DPP6: variants seen among roughly 807,000 people sequenced by gnomAD.
DPP6 encodes the protein A-type potassium channel modulatory protein DPP6.
DPP6 carries 69 observed loss-of-function variants against 122.6 expected under a neutral mutation model. That is an observed-to-expected ratio of 0.56 (90% CI 0.46 to 0.69). The LOEUF is 0.69. Ranked by LOEUF, DPP6 falls within the 30% of genes least tolerant of loss-of-function variation. DPP6 has a pLI of 0.00. For synonymous variants in DPP6, 418 were observed against 433.1 expected (o/e 0.97, Z 0.43); for missense variants, 928 against 1,116.9 (o/e 0.83, Z 2.41).
chr7:154,014,961 C>T (rs147035068), intron 1 of DPP6, among the ~76,000 whole-genome samples: 1 of 151,980 alleles, frequency 6.6e-6, no homozygotes, highest in Non-Finnish European at 1.5e-5. Flanking sequence ...TCTCAGAATA[C>T]CCTTTAGAAT....
chr7:154,147,142 T>G (rs1796133053), intron 1 of DPP6, among the ~76,000 whole-genome samples: 1 of 152,132 alleles, frequency 6.6e-6, no homozygotes, highest in Admixed American at 6.5e-5. Context: ...CCTCATGAAA[T>G]CTTGGCTTTT....
At chr7:154,318,801 C>G (rs925484806) in intron 1 of DPP6, among the ~76,000 whole-genome samples, 1 of 152,176 alleles carries the variant, frequency 6.6e-6, no homozygotes, top group Non-Finnish European at 1.5e-5. Context: ...ATACCCCACC[C>G]CCCCCAAGCC....
intron 3 of DPP6, among the ~76,000 whole-genome samples, chr7:154,533,041 C>G (rs79806659): frequency 0.05 from 7,550 of 152,242 alleles, 333 homozygotes; most frequent in African/African-American, 0.12. Context: ...AACCAACAGG[C>G]CTTGCTAAGT....
chr7:154,049,863 G>A (rs1800210203), upstream of DPP6, among the ~76,000 whole-genome samples: 1 of 151,716 alleles, frequency 6.6e-6, no homozygotes, highest in Admixed American at 6.6e-5. Flanking sequence ...GGGATTACAG[G>A]CGTGAGCCAC....
At chr7:154,842,326 C>T (rs1205059192) in intron 16 of DPP6, among the ~76,000 whole-genome samples, 1 of 152,220 alleles carries the variant, frequency 6.6e-6, no homozygotes, top group Non-Finnish European at 1.5e-5. Flanking sequence ...TCTGAGGATA[C>T]AGACGAGAGG....
chr7:154,359,800 G>T (rs150187504), intron 1 of DPP6, among the ~76,000 whole-genome samples: 19 of 152,318 alleles, frequency 1.2e-4, no homozygotes, highest in African/African-American at 4.3e-4. Flanking sequence ...TTAATGAGAG[G>T]CAGTCAGATA....
chr7:154,429,239 G>C lies in DPP6; in HGVS notation c.244-16975G>C, dbSNP rs542975209. On this transcript the variant is annotated intron_variant, in intron 1 of 25. Coordinates refer to ENST00000377770, the MANE Select transcript of DPP6 (RefSeq NM_130797.4). ...GTTTTGATCAAATGAATGAGTTCTGGGAAATCCATCCAGCTGGTCAGTGGA... is the reference window on the plus strand; with the variant it reads ...GTTTTGATCAAATGAATGAGTTCTGCGAAATCCATCCAGCTGGTCAGTGGA... Among the ~76,000 whole-genome samples, 6 of 151,874 alleles carry C rather than the reference G, an allele frequency of 4.0e-5. No individual in the cohort carries two copies. In the East Asian group the frequency reaches 7.8e-4, roughly 20 times the overall value.
At chr7:153,829,919 T>C in the DPP6 span, among the ~76,000 whole-genome samples, 5 of 152,170 alleles carry the variant, frequency 3.3e-5, no homozygotes, top group Non-Finnish European at 7.4e-5. Context: ...TCATCCACTG[T>C]CACCAAATGC....
intron 6 of DPP6, among the ~76,000 whole-genome samples, chr7:154,648,532 A>G (rs897893669): frequency 5.9e-5 from 9 of 152,320 alleles, no homozygotes; most frequent in African/African-American, 2.2e-4. Flanking sequence ...GGAGCAGGTC[A>G]GTCTGTCTGG....
chr7:154,081,133 G>C (rs1424338954), intron 1 of DPP6, among the ~76,000 whole-genome samples: 1 of 151,826 alleles, frequency 6.6e-6, no homozygotes, highest in Non-Finnish European at 1.5e-5. Flanking sequence ...CACTTAGCAT[G>C]ACCTAGCCCC....
chr7:154,660,332 A>G (rs1483984464), intron 6 of DPP6, among the ~76,000 whole-genome samples: 20 of 145,762 alleles, frequency 1.4e-4, no homozygotes, highest in Admixed American at 8.8e-4. Context: ...TCACGCAGTC[A>G]TGGTGAATCA....
chr7:154,803,694 A>G (rs553851038), intron 13 of DPP6, among the ~76,000 whole-genome samples, 170 bp from the exon 14 acceptor site: 1 of 152,158 alleles, frequency 6.6e-6, no homozygotes, highest in African/African-American at 2.4e-5. Flanking sequence ...GGAAGCCTCA[A>G]GGAGGATGTT....
At chr7:154,730,740 G>C (rs1842299100) in intron 8 of DPP6, among the ~76,000 whole-genome samples, 2 of 152,196 alleles carry the variant, frequency 1.3e-5, no homozygotes, top group Non-Finnish European at 2.9e-5. Flanking sequence ...CCGTCCCTAA[G>C]AGAAAGGGCC....
intron 1 of DPP6, among the ~76,000 whole-genome samples, chr7:154,147,956 C>G (rs139391539): frequency 6.8e-3 from 982 of 145,042 alleles, no homozygotes; most frequent in African/African-American, 0.025. Flanking sequence ...CCTAAATGAA[C>G]CCAAACCTCA....
At chr7:153,840,496 A>AT in the DPP6 span, among the ~76,000 whole-genome samples, 2 of 152,148 alleles carry the variant, frequency 1.3e-5, no homozygotes, top group Non-Finnish European at 2.9e-5. Flanking sequence ...ATTAAAAAAA[A>AT]AACTGCTCTG....
At chr7:154,438,303 TAA>T (rs536322315) in intron 1 of DPP6, among the ~76,000 whole-genome samples, 2,412 of 150,640 alleles carry the variant, frequency 0.016, 20 homozygotes, top group Non-Finnish European at 0.025. Flanking sequence ...CCGTCTCGAC[TAA>T]AAAAATACAA....
chr7:154,693,656 C>T (rs1840055781), intron 7 of DPP6, among the ~76,000 whole-genome samples: 1 of 152,176 alleles, frequency 6.6e-6, no homozygotes, highest in Non-Finnish European at 1.5e-5. Context: ...GCCCACACTC[C>T]TGAGGGGGTT....
intron 5 of DPP6, among the ~76,000 whole-genome samples, chr7:154,585,924 A>T (rs1310792482): frequency 6.6e-6 from 1 of 151,900 alleles, no homozygotes; most frequent in Non-Finnish European, 1.5e-5. Flanking sequence ...AAAGTGAAAA[A>T]GTCAGTCATG....
intron 3 of DPP6, among the ~76,000 whole-genome samples, chr7:154,492,991 A>G (rs774665393): frequency 2.1e-4 from 32 of 152,170 alleles, no homozygotes; most frequent in Admixed American, 5.2e-4. Flanking sequence ...CTTCTTAAAC[A>G]TGGCCCAGTG....
Sources: gnomAD v4.1 joint callset for allele counts (sites outside exome capture counted in the v4.1 genomes callset) on GRCh38, gnomAD v4.1.1 for gene constraint, MANE v1.5 for transcripts, NCBI Gene and HGNC (gene_info 2026-07-23, HGNC 2026-07-21) for gene names.